Variants in DDX10 observed in about 807,000 individuals in gnomAD.
DDX10 encodes the protein probable ATP-dependent RNA helicase DDX10.
Under a neutral mutation model 104.3 loss-of-function variants are expected in DDX10, and 74 were observed. The observed-to-expected ratio is 0.71, with a 90% CI of 0.59 to 0.86. The LOEUF (loss-of-function observed/expected upper bound fraction) is 0.86, where lower values mean the gene tolerates loss of function less well. Ranked by LOEUF, DDX10 falls within the 40% of genes least tolerant of loss-of-function variation. DDX10 has a pLI of 0.00. For missense variants in DDX10, 952 were observed against 1,040.0 expected, an observed-to-expected ratio of 0.92 and a Z score of 1.16; for synonymous variants, 351 against 353.4, an observed-to-expected ratio of 0.99 and a Z score of 0.08.
chr11:108,686,679 A>G (rs1419573034), intron 6 of DDX10, among the ~76,000 whole-genome samples: 1 of 152,204 alleles, frequency 6.6e-6, no homozygotes, highest in African/African-American at 2.4e-5. Flanking sequence ...AGTTTTGGCA[A>G]TTATGAATAA....
chr11:108,857,416 ACT>A (rs937303264), intron 16 of DDX10, among the ~76,000 whole-genome samples: 12 of 151,582 alleles, frequency 7.9e-5, no homozygotes, highest in Admixed American at 7.2e-4. Context: ...GATTTTTCTG[ACT>A]CTCTCACATA....
intron 13 of DDX10, among the ~76,000 whole-genome samples, chr11:108,825,032 A>G (rs1041693749): frequency 1.3e-5 from 2 of 152,226 alleles, no homozygotes; most frequent in Non-Finnish European, 2.9e-5. Context: ...AGGCTTAAGT[A>G]AGGAAAATGG....
chr11:108,938,655 T>C (rs1427722432), intron 17 of DDX10, among the ~76,000 whole-genome samples: 1 of 152,226 alleles, frequency 6.6e-6, no homozygotes, highest in Non-Finnish European at 1.5e-5. Flanking sequence ...AACTCTTTCA[T>C]GTTCATCTCT....
At chr11:108,674,829 G>A (rs572531814) in intron 2 of DDX10, among the ~76,000 whole-genome samples, 1 of 152,268 alleles carries the variant, frequency 6.6e-6, no homozygotes, top group African/African-American at 2.4e-5. Context: ...TAGATCTCTT[G>A]AAGTTCTTCC....
chr11:108,686,386 C>G (rs1045310936), intron 6 of DDX10, among the ~76,000 whole-genome samples: 3 of 152,196 alleles, frequency 2.0e-5, no homozygotes, highest in Non-Finnish European at 2.9e-5. Context: ...GTCCTCTGTG[C>G]TCTGCCTATT....
At chr11:108,801,792 C>T (rs765839898) in intron 13 of DDX10, among the ~76,000 whole-genome samples, 16 of 152,122 alleles carry the variant, frequency 1.1e-4, no homozygotes, top group Non-Finnish European at 1.5e-5. Context: ...ATACTATCAG[C>T]TACTAACTGT....
chr11:108,914,537 G>C (rs1863720308), intron 16 of DDX10, among the ~76,000 whole-genome samples: 1 of 152,114 alleles, frequency 6.6e-6, no homozygotes, highest in Admixed American at 6.6e-5. Flanking sequence ...TTTTAATCTA[G>C]GCAAAGTACC....
intron 17 of DDX10, among the ~76,000 whole-genome samples, chr11:108,933,613 T>C (rs560728694): frequency 2.8e-4 from 43 of 152,248 alleles, no homozygotes; most frequent in Non-Finnish European, 5.7e-4. Context: ...AGTTATTGGG[T>C]ACTTCTTTTT....
chr11:108,680,993 A>G (rs1021147824), intron 6 of DDX10, among the ~76,000 whole-genome samples: 3 of 152,154 alleles, frequency 2.0e-5, no homozygotes, highest in African/African-American at 7.2e-5. Flanking sequence ...TCTCTTAAAG[A>G]GTTGAGATAG....
intron 16 of DDX10, among the ~76,000 whole-genome samples, chr11:108,892,001 A>G (rs1479344882): frequency 6.6e-6 from 1 of 152,212 alleles, no homozygotes; most frequent in African/African-American, 2.4e-5. Flanking sequence ...AGACCTGGAA[A>G]GCCTGCACAT....
chr11:108,698,509 A>G (rs2134454985), intron 9 of DDX10, among the ~76,000 whole-genome samples: 1 of 152,276 alleles, frequency 6.6e-6, no homozygotes, highest in East Asian at 1.9e-4. Flanking sequence ...TTGCATCTTG[A>G]AGCAATGAGG....
intron 10 of DDX10, among the ~76,000 whole-genome samples, chr11:108,709,759 T>C (rs948550291): frequency 1.3e-5 from 2 of 152,174 alleles, no homozygotes; most frequent in Non-Finnish European, 2.9e-5. Context: ...CCTATTGATT[T>C]CCTGTTTTCA....
At chr11:108,749,563 G>A (rs553895364) in intron 13 of DDX10, among the ~76,000 whole-genome samples, 2 of 152,180 alleles carry the variant, frequency 1.3e-5, no homozygotes, top group South Asian at 4.1e-4. Context: ...CTCTACTGAC[G>A]CTTCTTAGAG....
intron 16 of DDX10, among the ~76,000 whole-genome samples, chr11:108,904,154 G>A (rs1295190996): frequency 1.3e-5 from 2 of 152,080 alleles, no homozygotes; most frequent in Non-Finnish European, 2.9e-5. Flanking sequence ...TTTAAAACCA[G>A]TGAGTTGGAA....
intron 6 of DDX10, among the ~76,000 whole-genome samples, chr11:108,687,567 T>C (rs1231980853): frequency 1.3e-5 from 2 of 152,206 alleles, no homozygotes; most frequent in Non-Finnish European, 2.9e-5. Context: ...TATCTACATA[T>C]CCTCTTTGGA....
intron 16 of DDX10, among the ~76,000 whole-genome samples, chr11:108,910,915 A>G (rs1308661876): frequency 2.0e-5 from 3 of 152,178 alleles, no homozygotes; most frequent in South Asian, 4.2e-4. Flanking sequence ...GGTAACTTGC[A>G]ACTTGGAAAT....
intron 13 of DDX10, among the ~76,000 whole-genome samples, chr11:108,758,032 T>C (rs1239508039): frequency 6.6e-6 from 1 of 152,016 alleles, no homozygotes; most frequent in East Asian, 1.9e-4. Context: ...AGTTGGGCGC[T>C]TCTTCTTTTA....
At chr11:108,696,864 C>G (rs1471867152) in intron 9 of DDX10, among the ~76,000 whole-genome samples, 1 of 152,038 alleles carries the variant, frequency 6.6e-6, no homozygotes, top group Admixed American at 6.6e-5. Flanking sequence ...GTAAAATTCT[C>G]CCTATATGAA....
At chr11:108,693,949 G>A (rs1054785251) in intron 9 of DDX10, among the ~76,000 whole-genome samples, 2 of 152,158 alleles carry the variant, frequency 1.3e-5, no homozygotes, top group African/African-American at 4.8e-5. Context: ...CCCAGTGGAT[G>A]CCTGAAATCT....
Sources: gnomAD v4.1 joint callset for allele counts (sites outside exome capture counted in the v4.1 genomes callset) on GRCh38, gnomAD v4.1.1 for gene constraint, MANE v1.5 for transcripts, NCBI Gene and HGNC (gene_info 2026-07-23, HGNC 2026-07-21) for gene names.